DNAH7: variants seen among roughly 807,000 people sequenced by gnomAD.
DNAH7 encodes dynein axonemal heavy chain 7.
DNAH7 carries 397 observed loss-of-function variants against 444.6 expected under a neutral mutation model. That is an observed-to-expected ratio of 0.89 (90% CI 0.82 to 0.97). DNAH7 has a LOEUF of 0.97. DNAH7 is among the 50% of genes least tolerant of loss of function. The pLI, the probability that DNAH7 is intolerant of heterozygous loss-of-function variation, is 0.00. For synonymous variants in DNAH7, 1,636 were observed against 1,624.4 expected (o/e 1.01, Z -0.17); for missense variants, 4,902 against 4,800.8 (o/e 1.02, Z -0.62).
At position 195,960,483 on chromosome 2, in the gene DNAH7, C is replaced by G. The variant is rs775410452; in HGVS notation, c.2668G>C (p.Gly890Arg). 1.2e-6 allele frequency: 2 copies of G among 1,614,140 alleles called. No homozygotes were observed. Among genetic ancestry groups the G allele is most frequent in the South Asian group, 1.1e-5 (1 of 91,072 alleles). ...TCTTTGCTAGCTGCTTCACTAATAC[C>G]TTCAAATCGGTCTATATATGGTTCC... ...NLEPYIDRFE[G>R]ISEAASKEYS... Residue 890 changes from glycine to arginine, a missense_variant, in exon 18 of 65, where the codon GGT becomes CGT. Transcript: ENST00000312428.
At chr2:195,824,053 C>T (rs2124914315) in intron 49 of DNAH7, among the ~76,000 whole-genome samples, 1 of 152,168 alleles carries the variant, frequency 6.6e-6, no homozygotes, top group Admixed American at 6.5e-5. Flanking sequence ...CCTTTTTTCA[C>T]AGCATGCTGA....
In DNAH7 at chr2:195,895,105, G is replaced by A. The variant is rs377557458; in HGVS notation, c.4767C>T (p.Ser1589=). ...SMNLQMTAFF[S]EKILQVYEMM... ...TTTCATATACTTGAAGAATCTTCTCGGAAAAGAATGCAGTCATTTGCAAAT... is the reference window on the plus strand; with the variant it reads ...TTTCATATACTTGAAGAATCTTCTCAGAAAAGAATGCAGTCATTTGCAAAT... Residue 1589 remains serine, a synonymous_variant, in exon 30 of 65, where the codon TCC becomes TCT. Transcript: ENST00000312428. The A allele has an allele frequency of 9.9e-6, 16 of 1,613,440 alleles. No homozygotes were observed. Among genetic ancestry groups the A allele is most frequent in the Middle Eastern group, 1.6e-4 (1 of 6,078 alleles).
rs746052642 is a variant in DNAH7 at position 195,864,342 on chromosome 2, C to T, written c.7313G>A (p.Arg2438His). The T allele has an allele frequency of 1.7e-5, 28 of 1,613,996 alleles. No individual in the cohort carries two copies. The highest frequency in any genetic ancestry group is 3.3e-5 in the South Asian group (3 of 91,078). The change falls in exon 41 of 65, where the codon CGT becomes CAT. Residue 2438 changes from arginine to histidine, a missense_variant. Coordinates refer to ENST00000312428, the MANE Select transcript of DNAH7 (RefSeq NM_018897.3). The stretch of plus-strand genomic sequence containing the variant: ...TTTATCCCGCTGGCGATCTAACTGA[C>T]GCATCTTATCACATATCTCTTGCTT... ...DEKQEICDKM[R>H]QLDRQRDKTK...
In DNAH7 at chr2:195,936,688, C is replaced by T. The variant is rs768937621; in HGVS notation, c.3183G>A (p.Leu1061=). Residue 1061 remains leucine, a synonymous_variant, in exon 20 of 65, where the codon TTG becomes TTA. Coordinates refer to ENST00000312428, the MANE Select transcript of DNAH7 (RefSeq NM_018897.3). ...TGGGGAAAAAGAGGCGTTTCTTTTC[C>T]AAATATTCATTAAGTCCTTTAAGAA... The part of the protein sequence containing the change: ...ELILKGLNEY[L]EKKRLFFPRF... 3.1e-6 allele frequency: 5 copies of T among 1,603,638 alleles called. No individual in the cohort carries two copies.
At chr2:195,936,898 T>C (rs114261058) in intron 19 of DNAH7, 106 bp from the exon 20 acceptor site, 7 of 999,706 alleles carry the variant, frequency 7.0e-6, no homozygotes, top group Non-Finnish European at 9.6e-6. Context: ...ACAAAGGTTA[T>C]GTAAATTTTA....
chr2:195,984,783 G>A, intron 14 of DNAH7, 73 bp from the exon 15 acceptor site: 1 of 1,315,274 alleles, frequency 7.6e-7, no homozygotes, highest in Non-Finnish European at 1.1e-6. Context: ...CCTGTATACT[G>A]TTTAAATATT....
intron 11 of DNAH7, 49 bp from the exon 12 acceptor site, chr2:196,000,932 C>A (rs1168075032): frequency 3.5e-6 from 5 of 1,445,832 alleles, no homozygotes; most frequent in African/African-American, 1.4e-5. Flanking sequence ...TGAATTGTGA[C>A]AGACTAAGTA....
chr2:195,957,302 C>G lies in DNAH7; in HGVS notation c.3037G>C (p.Val1013Leu). 6.2e-7 allele frequency: 1 copy of G among 1,600,588 alleles called. No individual in the cohort carries two copies. Among genetic ancestry groups the G allele is most frequent in the Non-Finnish European group, 8.5e-7 (1 of 1,170,636 alleles). The change falls in exon 19 of 65, where the codon GTG becomes CTG. Residue 1013 changes from valine (V) to leucine (L), a missense_variant. Val to Leu is a conservative substitution (Grantham distance 32). Transcript: ENST00000312428. Reference protein sequence around the residue: ...MPEEGRRFTAVDKTWRDIMRS... With the variant: ...MPEEGRRFTALDKTWRDIMRS... ...ATTATATCTCTCCATGTCTTATCCA[C>G]AGCTGTAAATCGTCTGCCTTCCTCA...
At chr2:195,987,038 A>C in intron 14 of DNAH7, 28 bp downstream of exon 14, 2 of 1,550,880 alleles carry the variant, frequency 1.3e-6, no homozygotes, top group Non-Finnish European at 1.7e-6. Context: ...CCTCCCAAAA[A>C]ATAAAAAAAC....
At chr2:196,025,361 C>T (rs1333575134) in intron 7 of DNAH7, among the ~76,000 whole-genome samples, 2 of 152,174 alleles carry the variant, frequency 1.3e-5, no homozygotes, top group Admixed American at 6.5e-5. Flanking sequence ...CTCTAATATG[C>T]AAATCATATG....
intron 38 of DNAH7, 151 bp downstream of exon 38, chr2:195,875,524 T>G: frequency 1.4e-6 from 1 of 698,202 alleles, no homozygotes; most frequent in Non-Finnish European, 2.3e-6. Context: ...GAGTTGGTCA[T>G]ATGATACACT....
chr2:195,776,037 A>G, intron 59 of DNAH7, 54 bp from the exon 60 acceptor site: 3 of 1,595,320 alleles, frequency 1.9e-6, no homozygotes, highest in Non-Finnish European at 2.6e-6. Flanking sequence ...TACTTTCTAG[A>G]ACTTTTCACA....
intron 15 of DNAH7, among the ~76,000 whole-genome samples, chr2:195,972,744 T>C (rs371925033): frequency 6.6e-5 from 10 of 152,316 alleles, no homozygotes; most frequent in African/African-American, 1.9e-4. Flanking sequence ...ATGAAGCAGA[T>C]ACTATCTGAG....
chr2:195,740,012 T>G (rs1426507281), intron 64 of DNAH7, among the ~76,000 whole-genome samples: 1 of 152,166 alleles, frequency 6.6e-6, no homozygotes, highest in Non-Finnish European at 1.5e-5. Flanking sequence ...AGATGGAGTT[T>G]CACTCTTGTT....
intron 17 of DNAH7, among the ~76,000 whole-genome samples, chr2:195,961,898 T>C (rs74385878): frequency 0.011 from 1,716 of 152,144 alleles, 35 homozygotes; most frequent in East Asian, 0.072. Flanking sequence ...ATTTAACTAA[T>C]TTTTCAATAA....
At chr2:196,067,850 T>C (rs1481760308) in intron 1 of DNAH7, among the ~76,000 whole-genome samples, 6 of 152,246 alleles carry the variant, frequency 3.9e-5, no homozygotes, top group Admixed American at 3.3e-4. Flanking sequence ...AGGAGGTTTA[T>C]AGAGTCCTTT....
intron 24 of DNAH7, among the ~76,000 whole-genome samples, chr2:195,912,826 A>G (rs187188157): frequency 6.6e-6 from 1 of 152,212 alleles, no homozygotes; most frequent in African/African-American, 2.4e-5. Flanking sequence ...TTGAGGGATG[A>G]AACCAAGGAC....
chr2:195,769,196 A>G (rs1347774237), intron 61 of DNAH7, among the ~76,000 whole-genome samples: 1 of 152,104 alleles, frequency 6.6e-6, no homozygotes, highest in Non-Finnish European at 1.5e-5. Flanking sequence ...TGATGCTTCA[A>G]AGTAATCTAT....
chr2:195,833,818 C>T (rs1698192441), intron 48 of DNAH7, among the ~76,000 whole-genome samples: 1 of 151,998 alleles, frequency 6.6e-6, no homozygotes. Context: ...TGTAGTGGCA[C>T]TCTCTCGGCT....
Sources: gnomAD v4.1 joint callset for allele counts (sites outside exome capture counted in the v4.1 genomes callset) on GRCh38, gnomAD v4.1.1 for gene constraint, MANE v1.5 for transcripts, NCBI Gene and HGNC (gene_info 2026-07-23, HGNC 2026-07-21) for gene names.